Variants in KCNH1 observed in about 807,000 individuals in gnomAD.
The protein encoded by KCNH1 is potassium voltage-gated channel subfamily H member 1.
KCNH1 carries 27 observed loss-of-function variants against 69.2 expected under a neutral mutation model. The ratio of observed to expected loss-of-function variants is 0.39; its 90% CI spans 0.29 to 0.54. The LOEUF is 0.54. Among genes scored for constraint, KCNH1 ranks in the 20% least tolerant of loss-of-function variants. KCNH1 has a pLI of 0.68. For missense variants in KCNH1, 798 were observed against 1,261.6 expected (o/e 0.63, Z 5.57); for synonymous variants, 456 against 487.7 (o/e 0.93, Z 0.86).
chr1:210,855,226 T>C (rs998349087), intron 7 of KCNH1, among the ~76,000 whole-genome samples: 2 of 151,974 alleles, frequency 1.3e-5, no homozygotes, highest in African/African-American at 4.8e-5. Context: ...GAAACCACAA[T>C]CAGAGAGAGG....
intron 6 of KCNH1, among the ~76,000 whole-genome samples, chr1:210,927,059 A>G (rs1687588306): frequency 6.6e-6 from 1 of 152,210 alleles, no homozygotes; most frequent in Admixed American, 6.5e-5. Context: ...CCTCCAAGAA[A>G]TTTGGGTTTA....
chr1:210,747,864 C>G (rs1196187970), intron 10 of KCNH1, among the ~76,000 whole-genome samples: 1 of 152,140 alleles, frequency 6.6e-6, no homozygotes, highest in Admixed American at 6.5e-5. Context: ...TTCCCCCTAG[C>G]TGCACCATGT....
intron 10 of KCNH1, among the ~76,000 whole-genome samples, chr1:210,697,924 C>T (rs768341427): frequency 6.6e-6 from 1 of 152,200 alleles, no homozygotes. Context: ...AATTAGGGGA[C>T]TTGTGGTGCA....
At chr1:210,893,111 T>A (rs1471657532) in intron 7 of KCNH1, among the ~76,000 whole-genome samples, 1 of 152,178 alleles carries the variant, frequency 6.6e-6, no homozygotes, top group Non-Finnish European at 1.5e-5. Flanking sequence ...GTGTTCTTCA[T>A]TCCTTTACAG....
chr1:211,028,250 G>A (rs11119666), intron 5 of KCNH1, among the ~76,000 whole-genome samples: 36,773 of 151,688 alleles, frequency 0.24, 5,120 homozygotes, highest in East Asian at 0.64. Context: ...AAGATAAAGT[G>A]GCAAGGGAAA....
intron 6 of KCNH1, among the ~76,000 whole-genome samples, chr1:210,985,159 T>C (rs551996861): frequency 6.2e-4 from 94 of 152,338 alleles, no homozygotes; most frequent in African/African-American, 2.1e-3. Flanking sequence ...TGCATCTATT[T>C]GATTCTTCTC....
At chr1:210,859,297 C>G (rs1369684279) in intron 7 of KCNH1, 12 of 1,549,264 alleles carry the variant, frequency 7.7e-6, no homozygotes, top group Non-Finnish European at 1.1e-5. Flanking sequence ...TTTGATTGGC[C>G]AGAGTTACTG....
At chr1:211,020,286 A>T (rs1689565997) in intron 5 of KCNH1, among the ~76,000 whole-genome samples, 1 of 151,984 alleles carries the variant, frequency 6.6e-6, no homozygotes, top group South Asian at 2.1e-4. Flanking sequence ...AAAATTCAAG[A>T]TGAAAAAGGA....
chr1:210,825,260 C>T (rs371415154), intron 7 of KCNH1, among the ~76,000 whole-genome samples: 1 of 152,160 alleles, frequency 6.6e-6, no homozygotes, highest in African/African-American at 2.4e-5. Flanking sequence ...AATGCTTTTC[C>T]TTAAAACAAC....
chr1:210,969,484 G>GT (rs1374011697), intron 6 of KCNH1, among the ~76,000 whole-genome samples: 2 of 152,006 alleles, frequency 1.3e-5, no homozygotes, highest in African/African-American at 4.8e-5. Context: ...AGGGCAATAA[G>GT]TTTTTCTATT....
intron 6 of KCNH1, among the ~76,000 whole-genome samples, chr1:211,010,678 A>G (rs1689376066): frequency 1.3e-5 from 2 of 152,138 alleles, no homozygotes; most frequent in Admixed American, 6.5e-5. Flanking sequence ...TGTAGGCTGT[A>G]ACACCTTGAA....
intron 10 of KCNH1, among the ~76,000 whole-genome samples, chr1:210,734,560 C>A (rs1232976676): frequency 6.6e-6 from 1 of 152,058 alleles, no homozygotes; most frequent in Non-Finnish European, 1.5e-5. Flanking sequence ...TCCCCCGCCA[C>A]CCCCCACCAA....
At chr1:210,785,467 T>G (rs181927089) in intron 9 of KCNH1, among the ~76,000 whole-genome samples, 3 of 151,818 alleles carry the variant, frequency 2.0e-5, no homozygotes, top group African/African-American at 7.3e-5. Flanking sequence ...CAATCTTGGC[T>G]CACCGCAACC....
intron 7 of KCNH1, among the ~76,000 whole-genome samples, chr1:210,873,349 C>T (rs188940634): frequency 6.6e-6 from 1 of 152,090 alleles, no homozygotes; most frequent in African/African-American, 2.4e-5. Flanking sequence ...ATTTCTAAAT[C>T]TTTATTTATT....
intron 10 of KCNH1, among the ~76,000 whole-genome samples, chr1:210,737,039 G>A (rs1682897633): frequency 6.6e-6 from 1 of 152,212 alleles, no homozygotes; most frequent in Non-Finnish European, 1.5e-5. Flanking sequence ...AAGGAACAAA[G>A]CAAAGAAGGA....
intron 5 of KCNH1, among the ~76,000 whole-genome samples, chr1:211,026,399 C>T (rs947529864): frequency 3.7e-5 from 5 of 135,036 alleles, no homozygotes; most frequent in African/African-American, 1.4e-4. Context: ...AAAAAAACAA[C>T]CACAACAACA....
intron 6 of KCNH1, among the ~76,000 whole-genome samples, chr1:210,978,337 C>G (rs553953767): frequency 6.6e-6 from 1 of 152,266 alleles, no homozygotes; most frequent in Non-Finnish European, 1.5e-5. Flanking sequence ...CGCGCCCGGC[C>G]TCCTTTAATT....
chr1:211,076,816 C>A (rs531183899), intron 5 of KCNH1, among the ~76,000 whole-genome samples: 1 of 152,278 alleles, frequency 6.6e-6, no homozygotes, highest in Admixed American at 6.5e-5. Context: ...CTTCTCTGAG[C>A]TAAAGAAGGA....
At chr1:210,790,142 A>G (rs1050799506) in intron 9 of KCNH1, among the ~76,000 whole-genome samples, 1 of 152,088 alleles carries the variant, frequency 6.6e-6, no homozygotes, top group Non-Finnish European at 1.5e-5. Context: ...AACTATTCCT[A>G]TGTTCTATCT....
Sources: gnomAD v4.1 joint callset for allele counts (sites outside exome capture counted in the v4.1 genomes callset) on GRCh38, gnomAD v4.1.1 for gene constraint, MANE v1.5 for transcripts, NCBI Gene and HGNC (gene_info 2026-07-23, HGNC 2026-07-21) for gene names.